Variants in HS3ST5 observed in about 807,000 individuals in gnomAD.
HS3ST5 encodes the protein heparan sulfate glucosamine 3-O-sulfotransferase 5.
HS3ST5 carries 10 observed loss-of-function variants against 25.4 expected under a neutral mutation model. The ratio of observed to expected loss-of-function variants is 0.39; its 90% CI spans 0.24 to 0.67. HS3ST5 has a LOEUF of 0.67. Among genes scored for constraint, HS3ST5 ranks in the 30% least tolerant of loss-of-function variants. HS3ST5 has a pLI of 0.44. For missense variants in HS3ST5, 324 were observed against 420.7 expected (o/e 0.77, Z 2.01); for synonymous variants, 170 against 162.4 (o/e 1.05, Z -0.36).
intron 3 of HS3ST5, among the ~76,000 whole-genome samples, chr6:114,153,410 G>C (rs931525040): frequency 1.3e-5 from 2 of 152,172 alleles, no homozygotes; most frequent in Non-Finnish European, 2.9e-5. Flanking sequence ...TAAGTGGCCT[G>C]TTTCTATATT....
chr6:114,331,606 T>C (rs1040947991), intron 1 of HS3ST5, among the ~76,000 whole-genome samples: 15 of 152,144 alleles, frequency 9.9e-5, no homozygotes, highest in African/African-American at 3.6e-4. Context: ...TTGAAGGTAA[T>C]ATTACATTTT....
intron 3 of HS3ST5, among the ~76,000 whole-genome samples, chr6:114,109,839 G>T (rs1364717923): frequency 6.6e-6 from 1 of 152,138 alleles, no homozygotes; most frequent in African/African-American, 2.4e-5. Context: ...TGCAAGCATT[G>T]TGTTAGCTAT....
At chr6:114,252,402 T>A (rs1772704836) in intron 1 of HS3ST5, among the ~76,000 whole-genome samples, 1 of 152,158 alleles carries the variant, frequency 6.6e-6, no homozygotes. Context: ...AAGCTATACA[T>A]TGGAGGACTG....
intron 2 of HS3ST5, among the ~76,000 whole-genome samples, chr6:114,192,988 TA>T (rs1035825746): frequency 5.3e-5 from 8 of 152,188 alleles, no homozygotes; most frequent in African/African-American, 1.9e-4. Context: ...CCCACCTTTT[TA>T]AAAGTTTAAC....
At chr6:114,329,580 G>A (rs1197416215) in intron 1 of HS3ST5, among the ~76,000 whole-genome samples, 1 of 152,152 alleles carries the variant, frequency 6.6e-6, no homozygotes, top group African/African-American at 2.4e-5. Flanking sequence ...CAGTGGAAAG[G>A]GAAACTGGAA....
intron 1 of HS3ST5, among the ~76,000 whole-genome samples, chr6:114,309,223 C>A (rs896820075): frequency 6.6e-6 from 1 of 152,122 alleles, no homozygotes; most frequent in African/African-American, 2.4e-5. Flanking sequence ...GACATAAAGT[C>A]TCTAAAAGGG....
chr6:114,137,917 C>T (rs1777708691), intron 3 of HS3ST5, among the ~76,000 whole-genome samples: 1 of 151,994 alleles, frequency 6.6e-6, no homozygotes, highest in African/African-American at 2.4e-5. Flanking sequence ...CTTCAATATC[C>T]CCAAATAGAT....
intron 2 of HS3ST5, among the ~76,000 whole-genome samples, chr6:114,192,006 C>T: frequency 6.6e-6 from 1 of 152,178 alleles, no homozygotes; most frequent in East Asian, 1.9e-4. Flanking sequence ...TTTATAGAAA[C>T]AGTTATCTGT....
intron 1 of HS3ST5, among the ~76,000 whole-genome samples, chr6:114,246,061 C>T (rs1256879260): frequency 1.4e-5 from 2 of 147,138 alleles, no homozygotes; most frequent in African/African-American, 5.1e-5. Flanking sequence ...TAAGATTTTT[C>T]ATACACTGGA....
At chr6:114,216,278 T>C (rs190085622) in intron 2 of HS3ST5, among the ~76,000 whole-genome samples, 58 of 152,350 alleles carry the variant, frequency 3.8e-4, no homozygotes, top group Non-Finnish European at 4.9e-4. Context: ...CTGTGACTTG[T>C]TAACTTGCAG....
intron 2 of HS3ST5, among the ~76,000 whole-genome samples, chr6:114,227,094 T>C (rs916994923): frequency 2.6e-5 from 4 of 151,864 alleles, no homozygotes; most frequent in Non-Finnish European, 5.9e-5. Context: ...CATGTGAAAC[T>C]TCATTATTAT....
intron 1 of HS3ST5, among the ~76,000 whole-genome samples, chr6:114,322,236 T>C (rs1775997456): frequency 6.6e-6 from 1 of 152,162 alleles, no homozygotes; most frequent in Non-Finnish European, 1.5e-5. Context: ...TAATGCGTCT[T>C]TCAGAATGTG....
At chr6:114,118,956 G>T (rs1180282576) in intron 3 of HS3ST5, among the ~76,000 whole-genome samples, 1 of 152,182 alleles carries the variant, frequency 6.6e-6, no homozygotes, top group Non-Finnish European at 1.5e-5. Context: ...AGGAACACAG[G>T]AGTACCCAAG....
intron 3 of HS3ST5, among the ~76,000 whole-genome samples, chr6:114,117,038 G>A (rs952147148): frequency 2.0e-5 from 3 of 151,862 alleles, no homozygotes; most frequent in Admixed American, 6.6e-5. Flanking sequence ...TCATCATCAA[G>A]AAATCAAGTC....
chr6:114,158,350 G>C (rs1203472261), intron 3 of HS3ST5, among the ~76,000 whole-genome samples: 1 of 152,182 alleles, frequency 6.6e-6, no homozygotes, highest in East Asian at 1.9e-4. Flanking sequence ...AGAATCTTTA[G>C]TATCTTAGGC....
chr6:114,312,788 G>C (rs1775583866), intron 1 of HS3ST5, among the ~76,000 whole-genome samples: 1 of 151,826 alleles, frequency 6.6e-6, no homozygotes, highest in South Asian at 2.1e-4. Context: ...CCAGCACTTT[G>C]GGAGGCCCAG....
intron 1 of HS3ST5, among the ~76,000 whole-genome samples, chr6:114,329,784 A>C (rs1417544213): frequency 6.6e-6 from 1 of 152,164 alleles, no homozygotes; most frequent in African/African-American, 2.4e-5. Flanking sequence ...ACACTCCAAT[A>C]GTCCTTGTGT....
chr6:114,080,761 T>C (rs1255605039), intron 3 of HS3ST5, among the ~76,000 whole-genome samples: 3 of 152,138 alleles, frequency 2.0e-5, no homozygotes, highest in East Asian at 1.9e-4. Context: ...ATAGGAACAA[T>C]AGACACTGCA....
intron 1 of HS3ST5, among the ~76,000 whole-genome samples, chr6:114,307,380 A>C (rs1775342223): frequency 6.6e-6 from 1 of 151,872 alleles, no homozygotes; most frequent in South Asian, 2.1e-4. Flanking sequence ...CCATCTAGTA[A>C]TCTATTGAAA....
Sources: gnomAD v4.1 joint callset for allele counts (sites outside exome capture counted in the v4.1 genomes callset) on GRCh38, gnomAD v4.1.1 for gene constraint, MANE v1.5 for transcripts, NCBI Gene and HGNC (gene_info 2026-07-23, HGNC 2026-07-21) for gene names.